Variants in CACNA1C observed in about 807,000 individuals in gnomAD.
CACNA1C encodes the protein calcium voltage-gated channel subunit alpha1 C.
Under a neutral mutation model 229.0 loss-of-function variants are expected in CACNA1C, and 30 were observed. That is an observed-to-expected ratio of 0.13 (90% CI 0.10 to 0.18). The LOEUF (loss-of-function observed/expected upper bound fraction) is 0.18, where lower values mean the gene tolerates loss of function less well. CACNA1C is among the 10% of genes least tolerant of loss of function. The pLI is 1.00. For synonymous variants in CACNA1C, 1,114 were observed against 1,132.5 expected (o/e 0.98, Z 0.33); for missense variants, 1,658 against 2,845.0 (o/e 0.58, Z 9.49).
At chr12:2,167,296 G>A (rs1233427910) in intron 3 of CACNA1C, among the ~76,000 whole-genome samples, 6 of 152,188 alleles carry the variant, frequency 3.9e-5, no homozygotes, top group Admixed American at 6.5e-5. Flanking sequence ...GAAAGGCATG[G>A]ATGACAGAGC....
At chr12:2,105,945 C>A (rs371207949) in intron 1 of CACNA1C, among the ~76,000 whole-genome samples, 1 of 21,644 alleles carries the variant, frequency 4.6e-5, no homozygotes, top group African/African-American at 1.3e-4. Context: ...AGCCACTGGG[C>A]GCCCACCCCG....
intron 3 of CACNA1C, among the ~76,000 whole-genome samples, chr12:2,140,439 G>T (rs1380422382): frequency 4.6e-5 from 7 of 151,552 alleles, no homozygotes; most frequent in Non-Finnish European, 7.4e-5. Context: ...AAGAAGAGAA[G>T]CTGTTCATGG....
chr12:2,488,520 A>G lies in CACNA1C; in HGVS notation c.916+2258A>G, dbSNP rs1351124625. On this transcript the variant is annotated intron_variant, in intron 6 of 46. Coordinates refer to ENST00000399655, the MANE Select transcript of CACNA1C (RefSeq NM_000719.7). This position sits in a 1 kb window ranked among gnomAD's most constrained non-coding sequence, Gnocchi z 4.0. ...ATTGGAATGGCCAATTTAGGATCAC[A>G]TTGTCCACCCTTGATAGTAAACAGG... Among the ~76,000 whole-genome samples the G allele has an allele frequency of 6.6e-6, 1 of 152,204 alleles. No individual in the cohort carries two copies. Among genetic ancestry groups the G allele is most frequent in the Non-Finnish European group, 1.5e-5 (1 of 68,024 alleles).
chr12:1,976,944 G>T (rs1016839927), intron 1 of CACNA1C, among the ~76,000 whole-genome samples: 9 of 151,972 alleles, frequency 5.9e-5, no homozygotes, highest in African/African-American at 2.2e-4. Context: ...TTCTCATAGG[G>T]GTTTGTGACT....
At chr12:2,208,556 G>A (rs962472836) in intron 3 of CACNA1C, among the ~76,000 whole-genome samples, 1 of 152,214 alleles carries the variant, frequency 6.6e-6, no homozygotes, top group African/African-American at 2.4e-5. Flanking sequence ...GCTATGCAGT[G>A]CATTGGAGGG....
Position 2,633,843 on chromosome 12 carries a change from C to A in CACNA1C, c.3829-454C>A. On this transcript the variant is annotated intron_variant, in intron 29 of 46. Coordinates refer to ENST00000399655, the MANE Select transcript of CACNA1C (RefSeq NM_000719.7). This position sits in a 1 kb window ranked among gnomAD's most constrained non-coding sequence, Gnocchi z 5.8. ...TTTAATTTCCTGTTTTTACCCGCCT[C>A]CAGTCATGCCTTTTATTGAACCTGC... 1 of 630,602 alleles carries A rather than the reference C, an allele frequency of 1.6e-6. No homozygotes were observed. The highest frequency in any genetic ancestry group is 2.8e-6 in the Non-Finnish European group (1 of 357,418). The allele number at this position is 630,602 out of a possible 1,614,324, so 39.1% of individuals were successfully genotyped here.
chr12:2,110,805 T>C (rs915765527), intron 1 of CACNA1C, among the ~76,000 whole-genome samples: 6 of 152,180 alleles, frequency 3.9e-5, no homozygotes, highest in Non-Finnish European at 7.4e-5. Flanking sequence ...ACTGTAAGCA[T>C]TGTATTAGAC....
Position 2,633,826 on chromosome 12 carries a change from C to T in CACNA1C, c.3829-471C>T, listed in dbSNP as rs1274804460. ...CCTTCTTTTATGTTTTTTTTAATTT[C>T]CTGTTTTTACCCGCCTCCAGTCATG... On this transcript the variant is annotated intron_variant, in intron 29 of 46. Transcript: ENST00000399655. This position sits in a 1 kb window ranked among gnomAD's most constrained non-coding sequence, Gnocchi z 5.8. 1.6e-5 allele frequency: 11 copies of T among 676,852 alleles called. No individual in the cohort carries two copies. Among genetic ancestry groups the T allele is most frequent in the Non-Finnish European group, 2.8e-5 (11 of 386,120 alleles). 41.9% of individuals were successfully genotyped at this position (676,852 alleles called of 1,614,324 possible).
At chr12:2,388,206 C>T (rs1289696876) in intron 3 of CACNA1C, among the ~76,000 whole-genome samples, 1 of 152,112 alleles carries the variant, frequency 6.6e-6, no homozygotes, top group Non-Finnish European at 1.5e-5. Flanking sequence ...TTCTAGAAAA[C>T]AAATGTGCAG....
chr12:2,292,795 A>G lies in CACNA1C; in HGVS notation c.478-156181A>G, dbSNP rs368736235. 5.3e-5 allele frequency among the ~76,000 whole-genome samples: 8 copies of G among 152,260 alleles called. No individual in the cohort carries two copies. The South Asian group carries it at 1.5e-3, about 28-fold the overall frequency. On this transcript the variant is annotated intron_variant, in intron 3 of 46. Coordinates refer to ENST00000399655, the MANE Select transcript of CACNA1C (RefSeq NM_000719.7). ...TGGGCAGCCTATGGGTGAAGGTCCA[A>G]GTGGGGATGTGGCTGTAGTGTCTCT...
In CACNA1C at chr12:2,608,751, C is replaced by T. The variant is rs368992780; in HGVS notation, c.3558+39C>T. ...AAGGAGCGGAGGGAAGCGGGGCCCA[C>T]GGAGGGAATGGCAGCCTGCGGCCCA... On this transcript the variant is annotated intron_variant, in intron 27 of 46. Transcript: ENST00000399655. The surrounding 1 kb of genome is among the most constrained non-coding windows in gnomAD (Gnocchi z 4.2). 1.3e-5 allele frequency: 21 copies of T among 1,605,406 alleles called. No individual in the cohort carries two copies. Among genetic ancestry groups the T allele is most frequent in the African/African-American group, 4.0e-5 (3 of 74,724 alleles).
At chr12:2,551,802 G>A (rs533250932) in intron 10 of CACNA1C, among the ~76,000 whole-genome samples, 3 of 152,264 alleles carry the variant, frequency 2.0e-5, no homozygotes, top group South Asian at 2.1e-4. Flanking sequence ...AGGGGCAGGC[G>A]GGTGCAGGTA....
chr12:2,552,802 G>A (rs1375886047), intron 10 of CACNA1C, among the ~76,000 whole-genome samples: 1 of 152,156 alleles, frequency 6.6e-6, no homozygotes, highest in Middle Eastern at 3.2e-3. Context: ...CCACGACAGA[G>A]TGCTCACTCA....
intron 1 of CACNA1C, among the ~76,000 whole-genome samples, chr12:1,978,117 T>C (rs1308114507): frequency 6.6e-6 from 1 of 152,188 alleles, no homozygotes; most frequent in Admixed American, 6.5e-5. Flanking sequence ...TCCATATTTT[T>C]GGCAAAGAGA....
intron 13 of CACNA1C, among the ~76,000 whole-genome samples, chr12:2,580,499 G>A (rs1311995932): frequency 6.6e-6 from 1 of 151,962 alleles, no homozygotes; most frequent in Non-Finnish European, 1.5e-5. Flanking sequence ...AGGTGGGCCA[G>A]AGGGGGCCAG....
intron 3 of CACNA1C, among the ~76,000 whole-genome samples, chr12:2,159,340 C>G (rs570778489): frequency 6.6e-6 from 1 of 151,952 alleles, no homozygotes; most frequent in Admixed American, 6.6e-5. Flanking sequence ...ACAGAAAATA[C>G]AAAAATTAGC....
intron 3 of CACNA1C, among the ~76,000 whole-genome samples, chr12:2,265,589 C>G (rs2082085414): frequency 6.6e-6 from 1 of 152,234 alleles, no homozygotes; most frequent in South Asian, 2.1e-4. Context: ...GAATAGCATC[C>G]CCCAGGGGAC....
rs2076430393 is a variant in CACNA1C at position 2,608,888 on chromosome 12, G to A, written c.3558+176G>A. Among the ~76,000 whole-genome samples the A allele has an allele frequency of 2.0e-5, 3 of 152,346 alleles. No homozygotes were observed. The South Asian group carries it at 6.2e-4, about 32-fold the overall frequency. On this transcript the variant is annotated intron_variant, in intron 27 of 46. Transcript: ENST00000399655. This position sits in a 1 kb window ranked among gnomAD's most constrained non-coding sequence, Gnocchi z 4.2. ...TTTGAGGGACCTGTGCAAAAGAAAT[G>A]CAAATTCCTGCAAACCCCAGATCTG...
intron 3 of CACNA1C, among the ~76,000 whole-genome samples, chr12:2,135,657 T>C (rs1171310556): frequency 7.0e-6 from 1 of 143,502 alleles, no homozygotes; most frequent in African/African-American, 2.8e-5. Flanking sequence ...AGAGGCAGTC[T>C]GCCCGTTCTC....
Sources: gnomAD v4.1 joint callset for allele counts (sites outside exome capture counted in the v4.1 genomes callset) on GRCh38, gnomAD v4.1.1 for gene constraint, Gnocchi (gnomAD v3.1) non-coding constraint, MANE v1.5 for transcripts, NCBI Gene and HGNC (gene_info 2026-07-23, HGNC 2026-07-21) for gene names.